Variants in IMPG1 observed in about 807,000 individuals in gnomAD.
The protein encoded by IMPG1 is interphotoreceptor matrix proteoglycan of 150 kDa.
In IMPG1, 85 loss-of-function variants were observed where a neutral mutation model predicts 92.0. The observed-to-expected ratio is 0.92, with a 90% CI of 0.78 to 1.11. The LOEUF is 1.11. IMPG1 is among the 50% of genes least tolerant of loss of function. IMPG1 has a pLI of 0.00. For missense variants in IMPG1, 1,022 were observed against 956.0 expected (o/e 1.07, Z -0.91); for synonymous variants, 367 against 334.1 (o/e 1.10, Z -1.08).
intron 2 of IMPG1, among the ~76,000 whole-genome samples, chr6:76,037,032 T>G (rs1207623927): frequency 6.6e-6 from 1 of 152,182 alleles, no homozygotes. Flanking sequence ...GATTTTTAAC[T>G]CTAGAGCAAT....
chr6:76,058,208 T>C (rs1784151657), intron 1 of IMPG1, among the ~76,000 whole-genome samples: 2 of 152,264 alleles, frequency 1.3e-5, no homozygotes, highest in Non-Finnish European at 1.5e-5. Flanking sequence ...CATAGGTAGA[T>C]AGAAATAACA....
intron 7 of IMPG1, among the ~76,000 whole-genome samples, chr6:76,015,532 A>G (rs1238573048): frequency 6.6e-6 from 1 of 151,626 alleles, no homozygotes; most frequent in Non-Finnish European, 1.5e-5. Context: ...TGGGTGCGGT[A>G]GCTCACGCCT....
At chr6:76,004,568 A>G (rs1023928371) in intron 10 of IMPG1, among the ~76,000 whole-genome samples, 10 of 152,200 alleles carry the variant, frequency 6.6e-5, no homozygotes, top group African/African-American at 2.4e-4. Flanking sequence ...ATGTTGTACT[A>G]AAATGGCATT....
intron 10 of IMPG1, 91 bp from the exon 11 acceptor site, chr6:76,004,041 A>G (rs1378393437): frequency 1.1e-6 from 1 of 872,950 alleles, no homozygotes; most frequent in Non-Finnish European, 1.8e-6. Context: ...AATATGCGGA[A>G]TAACCAATCC....
chr6:76,028,620 G>A (rs1420530294), intron 4 of IMPG1, among the ~76,000 whole-genome samples: 2 of 152,174 alleles, frequency 1.3e-5, no homozygotes, highest in Non-Finnish European at 2.9e-5. Context: ...ACAAGGTCAG[G>A]AGATTGAGAT....
intron 8 of IMPG1, among the ~76,000 whole-genome samples, chr6:76,009,463 C>CA (rs1275014698): frequency 1.3e-5 from 2 of 152,102 alleles, no homozygotes; most frequent in African/African-American, 4.8e-5. Flanking sequence ...ATCTGGCCCA[C>CA]AAAAAAGCAA....
In IMPG1 at chr6:75,950,746, A is replaced by G; in HGVS notation, c.1640T>C (p.Leu547Ser). The change falls in exon 13 of 17, where the codon TTG (leucine) becomes TCG (serine). Residue 547 changes from leucine (L) to serine (S), a missense_variant. By Grantham distance (145) the Leu-to-Ser change is moderately radical. Transcript: ENST00000369950. ...SEYVSVPDHFLEDTTPVSALQ... is the reference protein window; with the variant it reads ...SEYVSVPDHFSEDTTPVSALQ... ...AGCTGAGACAGGAGTGGTATCCTCC[A>G]AGAAATGATCTGGGACAGAAACATA... 1 of 1,614,002 alleles carries G rather than the reference A, an allele frequency of 6.2e-7. No homozygotes were observed. Among genetic ancestry groups the G allele is most frequent in the Non-Finnish European group, 8.5e-7 (1 of 1,179,906 alleles).
At position 75,986,519 on chromosome 6, in the gene IMPG1, T is replaced by C. The variant is rs183758296; in HGVS notation, c.1291+16399A>G. 2.1e-3 allele frequency among the ~76,000 whole-genome samples: 327 copies of C among 152,298 alleles called. 4 individuals carry two copies. Among genetic ancestry groups the C allele is most frequent in the African/African-American group, 7.6e-3 (317 of 41,570 alleles). Reference sequence around the variant, plus strand: ...ATCTAGAAGGGGATCTGCAGAAAGATACTTTATTGCTGAGCATGAATTTGT... The same window carrying C: ...ATCTAGAAGGGGATCTGCAGAAAGACACTTTATTGCTGAGCATGAATTTGT... On this transcript the variant is annotated intron_variant, in intron 12 of 16. Coordinates refer to ENST00000369950, the MANE Select transcript of IMPG1 (RefSeq NM_001563.4).
chr6:75,985,426 C>T (rs1782699668), intron 12 of IMPG1, among the ~76,000 whole-genome samples: 1 of 152,132 alleles, frequency 6.6e-6, no homozygotes, highest in Non-Finnish European at 1.5e-5. Context: ...CCAGCATTTT[C>T]CAGGTGGGAC....
intron 11 of IMPG1, 130 bp downstream of exon 11, chr6:76,003,744 A>C: frequency 1.5e-6 from 1 of 667,878 alleles, no homozygotes; most frequent in Non-Finnish European, 2.5e-6. Flanking sequence ...TGCTTGTAAA[A>C]AACAGAAAAG....
At chr6:76,034,557 A>G (rs1343995562) in intron 3 of IMPG1, 64 bp downstream of exon 3, 4 of 1,548,282 alleles carry the variant, frequency 2.6e-6, no homozygotes, top group Non-Finnish European at 3.5e-6. Flanking sequence ...CAAAAGGCCT[A>G]GGGGCTGGAG....
At chr6:75,969,270 T>G (rs901528781) in intron 12 of IMPG1, among the ~76,000 whole-genome samples, 2 of 152,116 alleles carry the variant, frequency 1.3e-5, no homozygotes, top group Non-Finnish European at 2.9e-5. Flanking sequence ...AGCAACGTAT[T>G]GTATTTTAAA....
intron 12 of IMPG1, among the ~76,000 whole-genome samples, chr6:75,990,008 C>T (rs966561043): frequency 7.9e-5 from 12 of 152,016 alleles, no homozygotes; most frequent in Admixed American, 2.6e-4. Flanking sequence ...TAAATATATA[C>T]GATTTATGAA....
intron 4 of IMPG1, among the ~76,000 whole-genome samples, chr6:76,026,980 T>C (rs1203682101): frequency 6.6e-6 from 1 of 152,236 alleles, no homozygotes; most frequent in Non-Finnish European, 1.5e-5. Context: ...ATTCAGTGAC[T>C]AGGTTTTCTT....
chr6:75,935,467 G>C (rs1239234938), intron 14 of IMPG1, among the ~76,000 whole-genome samples: 1 of 152,222 alleles, frequency 6.6e-6, no homozygotes, highest in African/African-American at 2.4e-5. Flanking sequence ...TTTTGGTTGC[G>C]TCGGCGCTGG....
rs1554230343 is a variant in IMPG1 at position 75,974,412 on chromosome 6, C to CCTTCCTTG, written c.1292-23319_1292-23318insCAAGGAAG. Among the ~76,000 whole-genome samples the CCTTCCTTG allele has an allele frequency of 5.7e-3, 717 of 125,568 alleles. 7 individuals carry two copies. Among genetic ancestry groups the CCTTCCTTG allele is most frequent in the East Asian group, 0.02 (79 of 3,962 alleles). 82.4% of individuals were successfully genotyped at this position (125,568 alleles called of 152,430 possible). On this transcript the variant is annotated intron_variant, in intron 12 of 16. Coordinates refer to ENST00000369950, the MANE Select transcript of IMPG1 (RefSeq NM_001563.4). ...CTTTCTTTTCTTTCTTTCCTTCCTT[C>CCTTCCTTG]CTTCCTTCCTTCCTTGCTTCCTTCC... is the stretch of plus-strand genomic sequence containing the variant.
intron 14 of IMPG1, among the ~76,000 whole-genome samples, chr6:75,944,105 A>C (rs1781880520): frequency 6.6e-6 from 1 of 152,206 alleles, no homozygotes. Context: ...TCCAGTGCCC[A>C]CTTCCTGATT....
intron 12 of IMPG1, among the ~76,000 whole-genome samples, chr6:75,977,375 A>G (rs1238286300): frequency 6.6e-6 from 1 of 151,990 alleles, no homozygotes; most frequent in Non-Finnish European, 1.5e-5. Context: ...ATCAATTGAG[A>G]TTGGGAGTTC....
intron 9 of IMPG1, among the ~76,000 whole-genome samples, chr6:76,005,819 G>GTTT (rs890614721): frequency 2.1e-5 from 3 of 145,682 alleles, no homozygotes; most frequent in African/African-American, 7.6e-5. Context: ...TTTACTTTAG[G>GTTT]TTTTTTTTTT....
Sources: allele counts gnomAD v4.1 joint callset (sites outside exome capture counted in the v4.1 genomes callset), GRCh38; gene constraint gnomAD v4.1.1; transcripts MANE v1.5; gene names NCBI Gene and HGNC (gene_info 2026-07-23, HGNC 2026-07-21).